PTF1A: variants seen among roughly 807,000 people sequenced by gnomAD.
PTF1A encodes the protein pancreas transcription factor 1 subunit alpha.
Under a neutral mutation model 22.6 loss-of-function variants are expected in PTF1A, and 18 were observed. The observed-to-expected ratio is 0.80, with a 90% CI of 0.55 to 1.18. The LOEUF is 1.18. Among genes scored for constraint, PTF1A ranks in the 50% most tolerant of loss-of-function variants. The pLI, the probability that PTF1A is intolerant of heterozygous loss-of-function variation, is 0.00. For missense variants in PTF1A, 477 were observed against 473.0 expected, an observed-to-expected ratio of 1.01 and a Z score of -0.08; for synonymous variants, 259 against 227.9, an observed-to-expected ratio of 1.14 and a Z score of -1.23.
Position 23,192,945 on chromosome 10 carries a change from C to G in PTF1A, c.415C>G (p.Arg139Gly). 1 of 1,172,962 alleles carries G rather than the reference C, an allele frequency of 8.5e-7. No individual in the cohort carries two copies. Among genetic ancestry groups the G allele is most frequent in the Non-Finnish European group, 1.1e-6 (1 of 951,468 alleles). 72.7% of individuals were successfully genotyped at this position (1,172,962 alleles called of 1,614,324 possible). ...AGTACTGTCTCCCGGGGCGCGGCTG[C>G]GCGGCCTGAGCGGAGCGGCGGCTGC... ...AAVLSPGARL[R>G]GLSGAAAAAA... Residue 139 changes from arginine (R) to glycine (G), a missense_variant, in exon 1 of 2, where the codon CGC (arginine) becomes GGC (glycine). Physicochemically the swap from Arg to Gly is moderately radical, Grantham distance 125 (BLOSUM62 -2). Transcript: ENST00000376504.
chr10:23,192,412 G>T lies in PTF1A; in HGVS notation c.-119G>T, dbSNP rs1391440533. The T allele has an allele frequency of 5.6e-6, 8 of 1,417,596 alleles. No individual in the cohort carries two copies. Among genetic ancestry groups the T allele is most frequent in the African/African-American group, 1.5e-5 (1 of 66,804 alleles). 87.8% of individuals were successfully genotyped at this position (1,417,596 alleles called of 1,614,324 possible). A position where few individuals can be genotyped will look rare whatever the true frequency, so the allele number is the denominator to read the frequency against. On this transcript the variant is annotated 5_prime_UTR_variant, in exon 1 of 2. Transcript: ENST00000376504. ...GAGGCCCGGGGGCGGGCAGCCCGGCGGCCGCCTAGCTGCCCCCAGCCAGGG... is the reference window on the plus strand; with the variant it reads ...GAGGCCCGGGGGCGGGCAGCCCGGCTGCCGCCTAGCTGCCCCCAGCCAGGG...
At chr10:23,193,490 C>G in intron 1 of PTF1A, 176 bp downstream of exon 1, 3 of 684,956 alleles carry the variant, frequency 4.4e-6, no homozygotes, top group Non-Finnish European at 2.2e-6. Context: ...TATTTTTCTG[C>G]CACGTTGACC....
chr10:23,193,412 G>A, intron 1 of PTF1A, 98 bp downstream of exon 1: 3 of 1,220,920 alleles, frequency 2.5e-6, no homozygotes, highest in Non-Finnish European at 3.3e-6. Flanking sequence ...CAGTCGGACC[G>A]ACGGATTGTC....
chr10:23,192,680 G>A lies in PTF1A; in HGVS notation c.150G>A (p.Val50=), dbSNP rs1184974118. The part of the protein sequence containing the change: ...DELLADEQAE[V]EFLSHQLHEY... ...TGCTGGCGGACGAGCAGGCCGAGGT[G>A]GAGTTCCTTAGCCACCAGCTCCACG... The change falls in exon 1 of 2, where the codon GTG becomes GTA. Residue 50 remains valine (V), a synonymous_variant. Coordinates refer to ENST00000376504, the MANE Select transcript of PTF1A (RefSeq NM_178161.3). 7 of 1,596,288 alleles carry A rather than the reference G, an allele frequency of 4.4e-6. No individual in the cohort carries two copies. In the East Asian group the frequency reaches 7.0e-5, roughly 16 times the overall value.
At position 23,192,661 on chromosome 10, in the gene PTF1A, C is replaced by A. The variant is rs1840903765; in HGVS notation, c.131C>A (p.Ala44Glu). ...CTGGAGGACGGCGATGAGCTGCTGG[C>A]GGACGAGCAGGCCGAGGTGGAGTTC... The part of the protein sequence containing the change: ...DPLEDGDELL[A>E]DEQAEVEFLS... The change falls in exon 1 of 2, where the codon GCG (alanine) becomes GAG (glutamate). Residue 44 changes from alanine (A) to glutamate (E), a missense_variant. Physicochemically the swap from Ala to Glu is moderately radical, Grantham distance 107. Transcript: ENST00000376504. 6 of 1,600,052 alleles carry A rather than the reference C, an allele frequency of 3.7e-6. No individual in the cohort carries two copies. The highest frequency in any genetic ancestry group is 1.4e-5 in the African/African-American group (1 of 73,596).
At position 23,192,644 on chromosome 10, in the gene PTF1A, C is replaced by T. The variant is rs1840903282; in HGVS notation, c.114C>T (p.Asp38=). ...TDQSSRDPLE[D]GDELLADEQA... is the part of the protein sequence containing the mutation. ...AGTCTTCACGGGACCCCCTGGAGGA[C>T]GGCGATGAGCTGCTGGCGGACGAGC... Residue 38 remains aspartate (D), a synonymous_variant, in exon 1 of 2, where the codon GAC becomes GAT. Coordinates refer to ENST00000376504, the MANE Select transcript of PTF1A (RefSeq NM_178161.3). The T allele has an allele frequency of 6.2e-7, 1 of 1,601,230 alleles. No individual in the cohort carries two copies. The highest frequency in any genetic ancestry group is 8.5e-7 in the Non-Finnish European group (1 of 1,174,348).
rs1455309352 is a variant in PTF1A at position 23,193,997 on chromosome 10, A to G, written c.*91A>G. 3 of 1,054,804 alleles carry G rather than the reference A, an allele frequency of 2.8e-6. No homozygotes were observed. The highest frequency in any genetic ancestry group is 2.6e-5 in the South Asian group (2 of 77,488). The allele number at this position is 1,054,804 out of a possible 1,614,324, so 65.3% of individuals were successfully genotyped here. ...AATGTAAATGTAATTTAAGAATCAA[A>G]TTTTTCGAATGGCAATCAACTGTTT... On this transcript the variant is annotated 3_prime_UTR_variant, in exon 2 of 2. Coordinates refer to ENST00000376504, the MANE Select transcript of PTF1A (RefSeq NM_178161.3).
rs1840934339 is a variant in PTF1A, at chr10:23,194,020, TTTA to T, written c.*120_*122del. ...AAATTTTTCGAATGGCAATCAACTG[TTTA>T]TTATTTATCTATTTATTATCCTGTT... On this transcript the variant is annotated 3_prime_UTR_variant, in exon 2 of 2. Transcript: ENST00000376504. 2 of 788,740 alleles carry T rather than the reference TTTA, an allele frequency of 2.5e-6. No individual in the cohort carries two copies. The highest frequency in any genetic ancestry group is 2.6e-5 in the East Asian group (1 of 37,824). The allele number at this position is 788,740 out of a possible 1,614,324, so 48.9% of individuals were successfully genotyped here. A position where few individuals can be genotyped will look rare whatever the true frequency, so the allele number is the denominator to read the frequency against.
At chr10:23,193,345 A>G in intron 1 of PTF1A, 31 bp downstream of exon 1, 1 of 1,399,410 alleles carries the variant, frequency 7.1e-7, no homozygotes, top group Non-Finnish European at 9.2e-7. Flanking sequence ...GCTCAGGGAG[A>G]AGGGGTCGGG....
At chr10:23,193,486 T>TTTTTTC in intron 1 of PTF1A, 172 bp downstream of exon 1, 1 of 769,720 alleles carries the variant, frequency 1.3e-6, no homozygotes, top group South Asian at 2.4e-5. Context: ...TTTTTATTTT[T>TTTTTTC]CTGCCACGTT....
rs759873796 is a variant in PTF1A, at chr10:23,192,956, C to T, written c.426C>T (p.Ser142=). The change falls in exon 1 of 2, where the codon AGC becomes AGT. Residue 142 remains serine, a synonymous_variant. Coordinates refer to ENST00000376504, the MANE Select transcript of PTF1A (RefSeq NM_178161.3). ...LSPGARLRGL[S]GAAAAAARRR... is the part of the protein sequence containing the mutation. ...CCGGGGCGCGGCTGCGCGGCCTGAG[C>T]GGAGCGGCGGCTGCGGCGGCGCGGC... 17 of 1,156,306 alleles carry T rather than the reference C, an allele frequency of 1.5e-5. No homozygotes were observed. In the South Asian group the frequency reaches 6.7e-4, roughly 46 times the overall value. 71.6% of individuals were successfully genotyped at this position (1,156,306 alleles called of 1,614,324 possible). A position where few individuals can be genotyped will look rare whatever the true frequency, so the allele number is the denominator to read the frequency against.
In PTF1A at chr10:23,192,873, C is replaced by A; in HGVS notation, c.343C>A (p.Pro115Thr). Residue 115 changes from proline (P) to threonine (T), a missense_variant, in exon 1 of 2, where the codon CCC becomes ACC. Coordinates refer to ENST00000376504, the MANE Select transcript of PTF1A (RefSeq NM_178161.3). ...GCCCCCAGGCGGCTTCCCCTACTCG[C>A]CCGGCTCGCCGCCCTCGTGCCTGGC... ...GAPPGGFPYSPGSPPSCLAYP... is the reference protein window; with the variant it reads ...GAPPGGFPYSTGSPPSCLAYP... The A allele has an allele frequency of 7.6e-7, 1 of 1,315,770 alleles. No homozygotes were observed. The highest frequency in any genetic ancestry group is 9.7e-7 in the Non-Finnish European group (1 of 1,030,098). The allele number at this position is 1,315,770 out of a possible 1,614,324, so 81.5% of individuals were successfully genotyped here.
chr10:23,193,920 C>G lies in PTF1A; in HGVS notation c.*14C>G. ...TTTGTGTCCTGAGAAGTCCCAGACT[C>G]GGCTGAAGATCTGATTATGTCTCTG... On this transcript the variant is annotated 3_prime_UTR_variant, in exon 2 of 2. Coordinates refer to ENST00000376504, the MANE Select transcript of PTF1A (RefSeq NM_178161.3). 1 of 1,580,344 alleles carries G rather than the reference C, an allele frequency of 6.3e-7. No homozygotes were observed. The highest frequency in any genetic ancestry group is 8.7e-7 in the Non-Finnish European group (1 of 1,149,490).
In PTF1A at chr10:23,192,441, C is replaced by T; in HGVS notation, c.-90C>T. 1.3e-6 allele frequency: 2 copies of T among 1,547,874 alleles called. No individual in the cohort carries two copies. Among genetic ancestry groups the T allele is most frequent in the Non-Finnish European group, 1.7e-6 (2 of 1,154,326 alleles). On this transcript the variant is annotated 5_prime_UTR_variant, in exon 1 of 2. Coordinates refer to ENST00000376504, the MANE Select transcript of PTF1A (RefSeq NM_178161.3). ...GCCTAGCTGCCCCCAGCCAGGGCCC[C>T]GGGAGGGAGGGGCTCGGACGGGCCT...
chr10:23,192,548 G>A lies in PTF1A; in HGVS notation c.18G>A (p.Leu6=). ...CGGCGAGCATGGACGCGGTGTTGCT[G>A]GAGCACTTCCCCGGGGGCCTAGACG... The part of the protein sequence containing the change: MDAVL[L]EHFPGGLDAF... The change falls in exon 1 of 2, where the codon CTG becomes CTA. Residue 6 remains leucine (L), a synonymous_variant. Coordinates refer to ENST00000376504, the MANE Select transcript of PTF1A (RefSeq NM_178161.3). The A allele has an allele frequency of 6.3e-7, 1 of 1,592,298 alleles. No homozygotes were observed. Among genetic ancestry groups the A allele is most frequent in the Middle Eastern group, 1.7e-4 (1 of 5,996 alleles).
rs1840897417 is a variant in PTF1A at position 23,192,363 on chromosome 10, C to T, written c.-168C>T. On this transcript the variant is annotated 5_prime_UTR_variant, in exon 1 of 2. Coordinates refer to ENST00000376504, the MANE Select transcript of PTF1A (RefSeq NM_178161.3). ...AGCGCAGCGCGAGCGCGGGCCAGAG[C>T]GCAGCGGCCGCGGGCACTCCAGGGA... is the stretch of plus-strand genomic sequence containing the variant. 12 of 764,920 alleles carry T rather than the reference C, an allele frequency of 1.6e-5. No homozygotes were observed. The Admixed American group carries it at 3.4e-4, about 22-fold the overall frequency. 47.4% of individuals were successfully genotyped at this position (764,920 alleles called of 1,614,324 possible). A position where few individuals can be genotyped will look rare whatever the true frequency, so the allele number is the denominator to read the frequency against.
In PTF1A at chr10:23,193,219, CGGGCGGCTGCGG is replaced by C. The variant is rs1160952061; in HGVS notation, c.693_704del (p.Gly232_Gly235del). On this transcript the variant is annotated inframe_deletion, in exon 1 of 2. Transcript: ENST00000376504. ...GACCTGCCCTTGCGCGGCGGTGGCG[CGGGCGGCTGCGG>C]GGGGCCGGGCGGCGGCGGGCGCCTG... The C allele has an allele frequency of 7.6e-7, 1 of 1,313,512 alleles. No homozygotes were observed. Among genetic ancestry groups the C allele is most frequent in the Admixed American group, 2.7e-5 (1 of 37,508 alleles). The allele number at this position is 1,313,512 out of a possible 1,614,324, so 81.4% of individuals were successfully genotyped here.
Position 23,192,560 on chromosome 10 carries a change from CG to C in PTF1A, c.35del (p.Gly12AlafsTer2). On this transcript the variant is annotated frameshift_variant, in exon 1 of 2. Transcript: ENST00000376504. LOFTEE classifies it high-confidence loss of function. MDAVLLEHFPGGLDAFPSSYF... is the reference protein window; with the variant it reads MDAVLLEHFPXGLDAFPSSYF... The stretch of plus-strand genomic sequence containing the variant: ...ACGCGGTGTTGCTGGAGCACTTCCC[CG>C]GGGGCCTAGACGCCTTTCCTTCTTC... The C allele has an allele frequency of 6.3e-7, 1 of 1,596,664 alleles. No individual in the cohort carries two copies. The highest frequency in any genetic ancestry group is 1.4e-5 in the African/African-American group (1 of 73,194).
At chr10:23,193,486 T>TTTTTTTC in intron 1 of PTF1A, 172 bp downstream of exon 1, 1 of 769,716 alleles carries the variant, frequency 1.3e-6, no homozygotes, top group South Asian at 2.4e-5. Context: ...TTTTTATTTT[T>TTTTTTTC]CTGCCACGTT....
Sources: allele counts gnomAD v4.1 joint callset, GRCh38; gene constraint gnomAD v4.1.1; transcripts MANE v1.5; gene names NCBI Gene and HGNC (gene_info 2026-07-23, HGNC 2026-07-21).